Variants in TTLL11 observed in about 807,000 individuals in gnomAD.
TTLL11 encodes the protein tubulin tyrosine ligase like 11, also known as tubulin polyglutamylase TTLL11.
TTLL11 carries 42 observed loss-of-function variants against 51.7 expected under a neutral mutation model. That is an observed-to-expected ratio of 0.81 (90% confidence interval 0.64 to 1.05). TTLL11 has a LOEUF of 1.05. TTLL11 is among the 50% of genes least tolerant of loss of function. The probability of loss-of-function intolerance (pLI) is 0.00; values close to 1 mark genes in which losing one functional copy is unlikely to be tolerated. For synonymous variants in TTLL11, 381 were observed against 383.5 expected (o/e 0.99, Z 0.08); for missense variants, 799 against 940.4 (o/e 0.85, Z 1.97).
At chr9:122,032,592 G>A (rs1588222646) in intron 2 of TTLL11, among the ~76,000 whole-genome samples, 1 of 150,248 alleles carries the variant, frequency 6.7e-6, no homozygotes, top group East Asian at 2.0e-4. Flanking sequence ...AGCTTGCAAT[G>A]AGCCAAGATC....
Position 122,038,275 on chromosome 9 carries a change from A to G in TTLL11, c.559+997T>C, listed in dbSNP as rs1027735775. Among the ~76,000 whole-genome samples, 9 of 152,276 alleles carry G rather than the reference A, an allele frequency of 5.9e-5. No individual in the cohort carries two copies. The South Asian group carries it at 6.2e-4, about 11-fold the overall frequency. On this transcript the variant is annotated intron_variant, in intron 2 of 8. Transcript: ENST00000321582. ...AAGTGGAAGGCCCTTTGACTGCATC[A>G]TACCCAGCTTAATCCAGTGCTCCTT...
intron 3 of TTLL11, among the ~76,000 whole-genome samples, chr9:122,001,408 C>A (rs1289284605): frequency 6.6e-6 from 1 of 151,800 alleles, no homozygotes; most frequent in East Asian, 1.9e-4. Context: ...CCAGCTGCAA[C>A]ACTGTTCTTA....
intron 6 of TTLL11, among the ~76,000 whole-genome samples, chr9:121,906,522 C>A (rs1316753159): frequency 1.3e-5 from 2 of 152,044 alleles, no homozygotes; most frequent in African/African-American, 4.8e-5. Context: ...TCCTGGAAGG[C>A]GAAACCTAGT....
intron 1 of TTLL11, among the ~76,000 whole-genome samples, chr9:122,075,690 G>T (rs1406983855): frequency 6.6e-6 from 1 of 152,158 alleles, no homozygotes; most frequent in Non-Finnish European, 1.5e-5. Context: ...CCAGTAAGAT[G>T]GTAAGGTTTT....
chr9:121,825,546 T>C (rs1836727063), intron 8 of TTLL11, among the ~76,000 whole-genome samples: 1 of 152,206 alleles, frequency 6.6e-6, no homozygotes, highest in African/African-American at 2.4e-5. Flanking sequence ...TCAGGCGTCT[T>C]GTCCAGGACT....
chr9:121,892,047 TA>T (rs33985673), intron 6 of TTLL11, among the ~76,000 whole-genome samples: 1 of 144,800 alleles, frequency 6.9e-6, no homozygotes. Flanking sequence ...AAATATATAT[TA>T]AAAAATATAA....
At chr9:122,040,367 T>G (rs948650543) in intron 1 of TTLL11, 1 of 985,164 alleles carries the variant, frequency 1.0e-6, no homozygotes, top group Non-Finnish European at 1.2e-6. Flanking sequence ...GCCAGAAAAT[T>G]TCTCACCGAG....
chr9:121,981,404 C>T (rs2131673583), intron 4 of TTLL11, among the ~76,000 whole-genome samples: 1 of 152,282 alleles, frequency 6.6e-6, no homozygotes, highest in African/African-American at 2.4e-5. Context: ...TTTCATTTGG[C>T]TCTTTTCACT....
chr9:122,015,063 G>A (rs899818039), intron 3 of TTLL11, among the ~76,000 whole-genome samples: 3 of 152,142 alleles, frequency 2.0e-5, no homozygotes, highest in African/African-American at 7.2e-5. Context: ...GTAAATCAGA[G>A]ATCATGATAC....
intron 3 of TTLL11, among the ~76,000 whole-genome samples, chr9:122,006,530 A>G (rs993085442): frequency 6.6e-6 from 1 of 152,170 alleles, no homozygotes; most frequent in Non-Finnish European, 1.5e-5. Flanking sequence ...CATATGAAGA[A>G]ATATTAGAGA....
chr9:121,859,587 G>A (rs370271638), intron 8 of TTLL11, among the ~76,000 whole-genome samples: 1 of 152,186 alleles, frequency 6.6e-6, no homozygotes. Context: ...CTAAAGGTGG[G>A]TTCTTCTCAC....
rs568658539 is a variant in TTLL11 at position 121,951,827 on chromosome 9, C to T, written c.1481+22182G>A. Among the ~76,000 whole-genome samples, 405 of 152,294 alleles carry T rather than the reference C, an allele frequency of 2.7e-3. 2 individuals are homozygous for T. Among genetic ancestry groups the T allele is most frequent in the African/African-American group, 9.2e-3 (382 of 41,566 alleles). On this transcript the variant is annotated intron_variant, in intron 6 of 8. Coordinates refer to ENST00000321582, the MANE Select transcript of TTLL11 (RefSeq NM_001139442.2). ...ACAGCCCCGAGGGCTGCTGGTTGCC[C>T]ATTTTTATGGTTATTTCTTGATGAC...
At chr9:121,982,438 T>C (rs896389096) in intron 4 of TTLL11, among the ~76,000 whole-genome samples, 11 of 152,100 alleles carry the variant, frequency 7.2e-5, no homozygotes, top group Non-Finnish European at 1.6e-4. Context: ...ATTTTTGGGC[T>C]GGGCATGGTG....
Position 121,989,797 on chromosome 9 carries a change from C to T in TTLL11, c.694-27G>A. ...TGGAGGGGGAAAAAAGGATGGCCGA[C>T]ATTATATTGTTTTCCCTCTGGATCC... On this transcript the variant is annotated intron_variant, in intron 3 of 8. Transcript: ENST00000321582. This position sits in a 1 kb window ranked among gnomAD's most constrained non-coding sequence, Gnocchi z 4.2. 1 of 1,563,294 alleles carries T rather than the reference C, an allele frequency of 6.4e-7. No individual in the cohort carries two copies. Among genetic ancestry groups the T allele is most frequent in the Non-Finnish European group, 8.7e-7 (1 of 1,155,730 alleles).
intron 6 of TTLL11, among the ~76,000 whole-genome samples, chr9:121,885,942 TGGCCTCTAACTCCTGG>T (rs1376573246): frequency 6.6e-6 from 1 of 152,318 alleles, no homozygotes; most frequent in East Asian, 1.9e-4. Context: ...TTGTCCAGGC[TGGCCTCTAACTCCTGG>T]GCTCAAGGAA....
At chr9:122,014,206 A>G (rs1460312693) in intron 3 of TTLL11, among the ~76,000 whole-genome samples, 1 of 152,084 alleles carries the variant, frequency 6.6e-6, no homozygotes, top group African/African-American at 2.4e-5. Flanking sequence ...CTCTACTAAA[A>G]ATACAAAAAT....
intron 3 of TTLL11, among the ~76,000 whole-genome samples, chr9:122,019,232 C>T (rs1405887298): frequency 6.6e-6 from 1 of 152,174 alleles, no homozygotes; most frequent in East Asian, 1.9e-4. Context: ...ATAGAACAGC[C>T]TTTCTAATAG....
chr9:121,989,156 C>T lies in TTLL11; in HGVS notation c.1269+39G>A, dbSNP rs1207808512. The stretch of plus-strand genomic sequence containing the variant: ...GCCAGAGAGCCCTCTTGAGGCCGGT[C>T]AAGGCTGGAAACGCAGGCTGGGAAC... On this transcript the variant is annotated intron_variant, in intron 4 of 8. Coordinates refer to ENST00000321582, the MANE Select transcript of TTLL11 (RefSeq NM_001139442.2). This position sits in a 1 kb window ranked among gnomAD's most constrained non-coding sequence, Gnocchi z 4.2. The T allele has an allele frequency of 2.5e-6, 4 of 1,605,134 alleles. No homozygotes were observed. In the Admixed American group the frequency reaches 5.0e-5, roughly 20 times the overall value.
At chr9:122,076,717 CA>C (rs577577338) in intron 1 of TTLL11, among the ~76,000 whole-genome samples, 2,224 of 101,308 alleles carry the variant, frequency 0.022, 26 homozygotes, top group Non-Finnish European at 0.033. Context: ...AGATCACCAT[CA>C]AAAAAAAAAA....
Sources: allele counts gnomAD v4.1 joint callset (sites outside exome capture counted in the v4.1 genomes callset), GRCh38; gene constraint gnomAD v4.1.1; non-coding constraint Gnocchi (gnomAD v3.1); transcripts MANE v1.5; gene names NCBI Gene and HGNC (gene_info 2026-07-23, HGNC 2026-07-21).